The following GRM8 variants were observed in gnomAD, a reference collection of about 807,000 sequenced individuals.
The protein encoded by GRM8 is metabotropic glutamate receptor 8.
Under a neutral mutation model 87.2 loss-of-function variants are expected in GRM8, and 47 were observed. The ratio of observed to expected loss-of-function variants is 0.54; its 90% CI spans 0.43 to 0.69. The LOEUF is 0.69. Among genes scored for constraint, GRM8 ranks in the 30% least tolerant of loss-of-function variants. The pLI is 0.00. For synonymous variants in GRM8, 396 were observed against 404.5 expected (o/e 0.98, Z 0.25); for missense variants, 1,019 against 1,139.2 (o/e 0.89, Z 1.52).
chr7:126,755,826 G>A (rs1816945438), intron 7 of GRM8, among the ~76,000 whole-genome samples: 1 of 151,904 alleles, frequency 6.6e-6, no homozygotes, highest in Non-Finnish European at 1.5e-5. Context: ...AACTGAAACA[G>A]ATGTAAGAAT....
chr7:127,198,035 G>A (rs1207904948), intron 2 of GRM8, among the ~76,000 whole-genome samples: 1 of 151,350 alleles, frequency 6.6e-6, no homozygotes, highest in African/African-American at 2.4e-5. Flanking sequence ...GGTTGTCTTT[G>A]ATTCTTGATT....
At chr7:126,953,827 A>G (rs1477105898) in intron 3 of GRM8, among the ~76,000 whole-genome samples, 1 of 152,128 alleles carries the variant, frequency 6.6e-6, no homozygotes, top group African/African-American at 2.4e-5. Flanking sequence ...GGATTATACA[A>G]CATTTTAATT....
Position 126,775,424 on chromosome 7 carries a change from A to G in GRM8, c.1157-5359T>C, listed in dbSNP as rs574607820. ...AGTGACTTTTAAATCCATGAGAACC[A>G]TGCCAAGAACCACATCACACACTAA... On this transcript the variant is annotated intron_variant, in intron 6 of 10. Transcript: ENST00000339582. Among the ~76,000 whole-genome samples the G allele has an allele frequency of 6.0e-5, 9 of 149,278 alleles. No individual in the cohort carries two copies. The South Asian group carries it at 1.9e-3, about 32-fold the overall frequency.
intron 3 of GRM8, among the ~76,000 whole-genome samples, chr7:127,015,164 G>GA (rs1213158536): frequency 3.8e-4 from 18 of 46,884 alleles, no homozygotes; most frequent in African/African-American, 2.1e-3. Flanking sequence ...GAAGGAGAAG[G>GA]AGAAGGAGAA....
chr7:126,583,329 C>T (rs977619814), intron 8 of GRM8, among the ~76,000 whole-genome samples: 2 of 151,594 alleles, frequency 1.3e-5, no homozygotes, highest in African/African-American at 4.8e-5. Context: ...CACTCCCAGC[C>T]CGGGTGACAG....
chr7:127,049,934 G>A (rs539773741), intron 3 of GRM8, among the ~76,000 whole-genome samples: 19 of 152,280 alleles, frequency 1.2e-4, no homozygotes, highest in South Asian at 4.1e-4. Flanking sequence ...TCTGGTGTGC[G>A]TGGTGGAAAG....
At chr7:126,469,586 T>C (rs1368878184) in intron 9 of GRM8, among the ~76,000 whole-genome samples, 1 of 152,056 alleles carries the variant, frequency 6.6e-6, no homozygotes, top group East Asian at 1.9e-4. Flanking sequence ...TGAGACCTGA[T>C]GGTTTAATAA....
intron 2 of GRM8, among the ~76,000 whole-genome samples, chr7:127,143,895 A>ACAC (rs1241410127): frequency 3.3e-5 from 5 of 152,148 alleles, no homozygotes; most frequent in Non-Finnish European, 5.9e-5. Flanking sequence ...TCTTTGCTGC[A>ACAC]ATAGGTATAA....
intron 3 of GRM8, among the ~76,000 whole-genome samples, chr7:126,926,317 G>A (rs1371688598): frequency 6.6e-6 from 1 of 152,050 alleles, no homozygotes; most frequent in Non-Finnish European, 1.5e-5. Flanking sequence ...ATCTTTGATG[G>A]AGACCTGATA....
intron 8 of GRM8, among the ~76,000 whole-genome samples, chr7:126,608,759 C>CTT (rs1189944716): frequency 5.5e-4 from 76 of 138,166 alleles, no homozygotes; most frequent in East Asian, 3.5e-3. Context: ...GTGATGTGCC[C>CTT]TTTTTTTTTT....
intron 3 of GRM8, among the ~76,000 whole-genome samples, chr7:127,042,460 A>G (rs965915922): frequency 6.6e-6 from 1 of 152,254 alleles, no homozygotes; most frequent in Non-Finnish European, 1.5e-5. Context: ...AAAGAATTTT[A>G]AAGATAAAAC....
At chr7:127,123,290 C>A (rs958504146) in intron 2 of GRM8, among the ~76,000 whole-genome samples, 6 of 152,146 alleles carry the variant, frequency 3.9e-5, no homozygotes, top group South Asian at 2.1e-4. Context: ...CCAAACCTCA[C>A]GTTGAAATTT....
intron 9 of GRM8, chr7:126,511,173 G>A (rs2299449): frequency 0.3 from 46,143 of 151,982 alleles, 7,657 homozygotes; most frequent in Middle Eastern, 0.42. Flanking sequence ...TGGTCTTCAC[G>A]TAGTTGGGAG....
chr7:126,600,458 C>T (rs971972258), intron 8 of GRM8, among the ~76,000 whole-genome samples: 4 of 152,108 alleles, frequency 2.6e-5, no homozygotes, highest in Non-Finnish European at 4.4e-5. Context: ...CCCATATCTA[C>T]ATAGGGATGA....
chr7:126,963,609 C>G (rs1004538742), intron 3 of GRM8, among the ~76,000 whole-genome samples: 1 of 152,058 alleles, frequency 6.6e-6, no homozygotes, highest in Non-Finnish European at 1.5e-5. Flanking sequence ...ATACAACTTA[C>G]AAGGGATATG....
chr7:126,578,570 G>C (rs1163082975), intron 8 of GRM8, among the ~76,000 whole-genome samples: 1 of 152,174 alleles, frequency 6.6e-6, no homozygotes, highest in Non-Finnish European at 1.5e-5. Flanking sequence ...AACATTTAGA[G>C]AGTCTGGGCA....
chr7:126,765,454 TG>T (rs1195951023), intron 7 of GRM8, among the ~76,000 whole-genome samples: 1 of 152,090 alleles, frequency 6.6e-6, no homozygotes, highest in Non-Finnish European at 1.5e-5. Flanking sequence ...AATATGCCAC[TG>T]TGCTTGACCT....
At chr7:126,831,961 G>A (rs1167305648) in intron 6 of GRM8, among the ~76,000 whole-genome samples, 1 of 152,060 alleles carries the variant, frequency 6.6e-6, no homozygotes, top group Admixed American at 6.5e-5. Context: ...TGAAAGTTTG[G>A]TAGAATATAT....
chr7:126,785,232 A>G (rs1820500326), intron 6 of GRM8, among the ~76,000 whole-genome samples: 1 of 152,174 alleles, frequency 6.6e-6, no homozygotes. Context: ...TAGTCTTCCA[A>G]TACTTTTAGG....
Sources: allele counts gnomAD v4.1 joint callset (sites outside exome capture counted in the v4.1 genomes callset), GRCh38; gene constraint gnomAD v4.1.1; transcripts MANE v1.5; gene names NCBI Gene and HGNC (gene_info 2026-07-23, HGNC 2026-07-21).